The following FANCC variants were observed in gnomAD, a reference collection of about 807,000 sequenced individuals.
FANCC encodes FA complementation group C.
In FANCC, 55 loss-of-function variants were observed where a neutral mutation model predicts 71.3. That is an observed-to-expected ratio of 0.77 (90% CI 0.62 to 0.97). The LOEUF is 0.97. FANCC is among the 50% of genes least tolerant of loss of function. FANCC has a pLI of 0.00. For missense variants in FANCC, 678 were observed against 670.9 expected (o/e 1.01, Z -0.12); for synonymous variants, 275 against 244.9 (o/e 1.12, Z -1.15).
intron 14 of FANCC, among the ~76,000 whole-genome samples, chr9:95,105,762 C>G (rs1256878613): frequency 6.6e-6 from 1 of 152,236 alleles, no homozygotes; most frequent in Non-Finnish European, 1.5e-5. Context: ...ATTTCAACAG[C>G]ACAGTGTCTT....
At chr9:95,245,351 A>G (rs1277728847) in intron 3 of FANCC, among the ~76,000 whole-genome samples, 1 of 151,996 alleles carries the variant, frequency 6.6e-6, no homozygotes, top group Non-Finnish European at 1.5e-5. Context: ...TAATAATACA[A>G]TAGTCCCTCT....
At chr9:95,134,948 T>C (rs1307086093) in intron 8 of FANCC, among the ~76,000 whole-genome samples, 1 of 152,268 alleles carries the variant, frequency 6.6e-6, no homozygotes, top group Non-Finnish European at 1.5e-5. Flanking sequence ...GTGTCTCTTA[T>C]TTCATCTTTC....
At chr9:95,119,568 G>C (rs2072707780) in intron 10 of FANCC, among the ~76,000 whole-genome samples, 1 of 152,064 alleles carries the variant, frequency 6.6e-6, no homozygotes, top group Admixed American at 6.5e-5. Flanking sequence ...GTTTCACTAT[G>C]TTGGCCAGGA....
rs1322389469 is a variant in FANCC, at chr9:95,177,634, TATATC to T, written c.346-5492_346-5488del. Among the ~76,000 whole-genome samples, 6 of 152,328 alleles carry T rather than the reference TATATC, an allele frequency of 3.9e-5. No homozygotes were observed. The East Asian group carries it at 1.2e-3, about 29-fold the overall frequency. ...AAAATATCTTCTTTCACTATATCCTTATATCATAAGCTTTTCTATTTTAATTTTTT... is the reference window on the plus strand; with the variant it reads ...AAAATATCTTCTTTCACTATATCCTTATAAGCTTTTCTATTTTAATTTTTT... On this transcript the variant is annotated intron_variant, in intron 4 of 14. Coordinates refer to ENST00000289081, the MANE Select transcript of FANCC (RefSeq NM_000136.3).
chr9:95,126,004 C>T (rs775719383), intron 9 of FANCC, among the ~76,000 whole-genome samples: 4 of 152,122 alleles, frequency 2.6e-5, no homozygotes, highest in South Asian at 4.1e-4. Flanking sequence ...CGTCTCTTGC[C>T]GTCTGTAAAT....
chr9:95,281,644 C>T (rs1238993558), intron 1 of FANCC, among the ~76,000 whole-genome samples: 1 of 152,014 alleles, frequency 6.6e-6, no homozygotes, highest in Non-Finnish European at 1.5e-5. Flanking sequence ...TCTGAAGTCT[C>T]TAATACTGTA....
intron 4 of FANCC, among the ~76,000 whole-genome samples, chr9:95,174,486 C>G (rs1280556423): frequency 6.6e-6 from 1 of 151,862 alleles, no homozygotes; most frequent in Non-Finnish European, 1.5e-5. Flanking sequence ...GCTAGAGACC[C>G]ATAATAGTAC....
chr9:95,168,427 C>T (rs1167210329), intron 6 of FANCC, among the ~76,000 whole-genome samples: 1 of 152,246 alleles, frequency 6.6e-6, no homozygotes, highest in Non-Finnish European at 1.5e-5. Context: ...AAGTAGTCTT[C>T]CTTTATCTGC....
At chr9:95,104,253 T>C (rs2071272589) in intron 14 of FANCC, among the ~76,000 whole-genome samples, 1 of 152,110 alleles carries the variant, frequency 6.6e-6, no homozygotes, top group Admixed American at 6.5e-5. Context: ...ATAAAGATGG[T>C]TTCAAAACAT....
chr9:95,102,995 T>C (rs559813312), intron 14 of FANCC, among the ~76,000 whole-genome samples: 4 of 152,302 alleles, frequency 2.6e-5, no homozygotes, highest in African/African-American at 9.6e-5. Flanking sequence ...GGCGTCTGTA[T>C]TGCTATCACT....
Position 95,100,657 on chromosome 9 carries a change from G to C in FANCC, c.*1050C>G, listed in dbSNP as rs2071042121. 4.4e-6 allele frequency: 1 copy of C among 229,142 alleles called. No homozygotes were observed. The highest frequency in any genetic ancestry group is 8.7e-6 in the Non-Finnish European group (1 of 115,594). The allele number at this position is 229,142 out of a possible 1,614,324, so 14.2% of individuals were successfully genotyped here. A position where few individuals can be genotyped will look rare whatever the true frequency, so the allele number is the denominator to read the frequency against. ...TAACAATGCCTTTTTTTAAGAGATG[G>C]TCTCGCTCTGTTGCCCAGGCTGGAG... On this transcript the variant is annotated 3_prime_UTR_variant, in exon 15 of 15. Transcript: ENST00000289081.
At chr9:95,258,781 T>G (rs181413437) in intron 1 of FANCC, among the ~76,000 whole-genome samples, 1 of 152,156 alleles carries the variant, frequency 6.6e-6, no homozygotes, top group Non-Finnish European at 1.5e-5. Context: ...GATTGTATAT[T>G]TAGAAAACCC....
rs541351205 is a variant in FANCC, at chr9:95,315,964, TCCA to T, written c.-79+1559_-79+1561del. Among the ~76,000 whole-genome samples the T allele has an allele frequency of 3.7e-3, 570 of 152,362 alleles. 1 individual carries two copies. Among genetic ancestry groups the T allele is most frequent in the African/African-American group, 0.013 (556 of 41,594 alleles). On this transcript the variant is annotated intron_variant, in intron 1 of 14. Coordinates refer to ENST00000289081, the MANE Select transcript of FANCC (RefSeq NM_000136.3). ...TGCACATACATGCAGCAACACATCT[TCCA>T]CAACCAGCCAATCAATCAAGTTAAT...
At chr9:95,269,549 T>C (rs1042814110) in intron 1 of FANCC, among the ~76,000 whole-genome samples, 2 of 152,202 alleles carry the variant, frequency 1.3e-5, no homozygotes, top group Non-Finnish European at 1.5e-5. Context: ...GGAGAGCTGA[T>C]TGCTTCTGCT....
At chr9:95,166,375 T>C (rs138696179) in intron 6 of FANCC, among the ~76,000 whole-genome samples, 1 of 152,244 alleles carries the variant, frequency 6.6e-6, no homozygotes, top group East Asian at 1.9e-4. Context: ...TTTTCCATTG[T>C]ACATCTCCTA....
At chr9:95,132,225 A>C (rs1031636845) in intron 8 of FANCC, among the ~76,000 whole-genome samples, 2 of 152,224 alleles carry the variant, frequency 1.3e-5, no homozygotes, top group Admixed American at 1.3e-4. Flanking sequence ...GCAGCTTGCC[A>C]GCCAAGCACA....
intron 6 of FANCC, among the ~76,000 whole-genome samples, chr9:95,158,372 A>G (rs952918834): frequency 1.3e-5 from 2 of 152,236 alleles, no homozygotes; most frequent in African/African-American, 4.8e-5. Flanking sequence ...GTGGTAAGAG[A>G]ACGATGATAA....
At chr9:95,131,788 A>C (rs1826950131) in intron 8 of FANCC, among the ~76,000 whole-genome samples, 1 of 152,180 alleles carries the variant, frequency 6.6e-6, no homozygotes, top group South Asian at 2.1e-4. Context: ...CAGGATGTAG[A>C]GTGAACTCTT....
In FANCC at chr9:95,099,153, G is replaced by T. The variant is rs2134368033; in HGVS notation, c.*2554C>A. Reference sequence around the variant, plus strand: ...TCCACAGATGTCACGGAGTCCAGGGGAATAACAGCCTGGTTGGAGGGGCGC... The same window carrying T: ...TCCACAGATGTCACGGAGTCCAGGGTAATAACAGCCTGGTTGGAGGGGCGC... On this transcript the variant is annotated 3_prime_UTR_variant, in exon 15 of 15. Coordinates refer to ENST00000289081, the MANE Select transcript of FANCC (RefSeq NM_000136.3). The T allele has an allele frequency of 9.2e-6, 2 of 216,656 alleles. No homozygotes were observed. The highest frequency in any genetic ancestry group is 1.4e-4 in the East Asian group (2 of 14,616). The allele number at this position is 216,656 out of a possible 1,614,324, so 13.4% of individuals were successfully genotyped here. A position where few individuals can be genotyped will look rare whatever the true frequency, so the allele number is the denominator to read the frequency against.
Sources: allele counts gnomAD v4.1 joint callset (sites outside exome capture counted in the v4.1 genomes callset), GRCh38; gene constraint gnomAD v4.1.1; transcripts MANE v1.5; gene names NCBI Gene and HGNC (gene_info 2026-07-23, HGNC 2026-07-21).